FAM135B: variants seen among roughly 807,000 people sequenced by gnomAD.
FAM135B encodes the protein protein FAM135B.
A neutral mutation model predicts 127.7 loss-of-function variants in FAM135B; 43 were observed. The ratio of observed to expected loss-of-function variants is 0.34; its 90% confidence interval spans 0.26 to 0.43. The LOEUF (loss-of-function observed/expected upper bound fraction) is 0.43. Among genes scored for constraint, FAM135B ranks in the 20% least tolerant of loss-of-function variants. The pLI, the probability that FAM135B is intolerant of heterozygous loss-of-function variation, is 1.00. For missense variants in FAM135B, 1,558 were observed against 1,725.6 expected (o/e 0.90, Z 1.72); for synonymous variants, 670 against 665.1 (o/e 1.01, Z -0.11).
At position 138,151,844 on chromosome 8, in the gene FAM135B, A is replaced by T. The variant is rs768154353; in HGVS notation, c.2631T>A (p.Gly877=). ...TGACGCGTGGTATTTTTAAATTAAGACCTTTGGTTTCAACACCTGGAGTGT... is the reference window on the plus strand; with the variant it reads ...TGACGCGTGGTATTTTTAAATTAAGTCCTTTGGTTTCAACACCTGGAGTGT... ...TENTPGVETK[G]LNLKIPRVIA... Residue 877 remains glycine (G), a synonymous_variant, in exon 13 of 20, where the codon GGT becomes GGA. Coordinates refer to ENST00000395297, the MANE Select transcript of FAM135B (RefSeq NM_015912.4). 1.1e-5 allele frequency: 17 copies of T among 1,613,936 alleles called. No individual in the cohort carries two copies. The Admixed American group carries it at 1.2e-4, about 11-fold the overall frequency.
At chr8:138,481,016 G>A (rs74694181) in intron 1 of FAM135B, among the ~76,000 whole-genome samples, 1 of 152,070 alleles carries the variant, frequency 6.6e-6, no homozygotes. Flanking sequence ...TGTTTAGAAG[G>A]GAAAAGAAAA....
At chr8:138,171,014 C>A (rs528411870) in intron 11 of FAM135B, among the ~76,000 whole-genome samples, 2 of 152,190 alleles carry the variant, frequency 1.3e-5, no homozygotes, top group Non-Finnish European at 2.9e-5. Flanking sequence ...GCACTCCATG[C>A]GCTCCCAGGC....
At chr8:138,314,688 C>T (rs1048963815) in intron 2 of FAM135B, among the ~76,000 whole-genome samples, 3 of 5,586 alleles carry the variant, frequency 5.4e-4, no homozygotes, top group Admixed American at 3.0e-3. Context: ...GAGACCCCAT[C>T]CCTACAATAA....
At chr8:138,271,448 T>C (rs1171225467) in intron 3 of FAM135B, among the ~76,000 whole-genome samples, 2 of 152,228 alleles carry the variant, frequency 1.3e-5, no homozygotes, top group East Asian at 1.9e-4. Flanking sequence ...TATTCATTCA[T>C]TGAATATTTA....
intron 7 of FAM135B, among the ~76,000 whole-genome samples, chr8:138,201,579 G>A (rs1216933696): frequency 6.6e-6 from 1 of 152,168 alleles, no homozygotes; most frequent in African/African-American, 2.4e-5. Flanking sequence ...GGGCAGACCT[G>A]CAGAGTCGGT....
At chr8:138,279,981 C>A (rs1447652665) in intron 3 of FAM135B, among the ~76,000 whole-genome samples, 1 of 152,176 alleles carries the variant, frequency 6.6e-6, no homozygotes, top group Non-Finnish European at 1.5e-5. Flanking sequence ...TCTGAAAACT[C>A]ATGCAACCAA....
At chr8:138,310,226 C>T (rs1442314982) in intron 3 of FAM135B, among the ~76,000 whole-genome samples, 1 of 152,116 alleles carries the variant, frequency 6.6e-6, no homozygotes, top group Non-Finnish European at 1.5e-5. Flanking sequence ...TTTACTAATG[C>T]AAACTCCTAA....
chr8:138,265,577 G>T, intron 4 of FAM135B, 126 bp downstream of exon 4: 5 of 1,034,900 alleles, frequency 4.8e-6, no homozygotes, highest in Non-Finnish European at 7.1e-6. Context: ...TGCACTAAAA[G>T]CACTAATCTC....
chr8:138,311,001 A>G (rs1289466522), intron 2 of FAM135B, 81 bp from the exon 3 acceptor site: 1 of 1,156,338 alleles, frequency 8.6e-7, no homozygotes, highest in Non-Finnish European at 1.2e-6. Context: ...ATTAATCCTG[A>G]AAGCCATAGG....
intron 7 of FAM135B, among the ~76,000 whole-genome samples, chr8:138,218,105 A>T (rs1435291883): frequency 6.6e-6 from 1 of 152,220 alleles, no homozygotes; most frequent in Admixed American, 6.5e-5. Context: ...GATAACTAAG[A>T]TGACTTCCAA....
chr8:138,286,323 T>C (rs1824682982), intron 3 of FAM135B, among the ~76,000 whole-genome samples: 1 of 152,208 alleles, frequency 6.6e-6, no homozygotes, highest in Admixed American at 6.5e-5. Context: ...TGGGTCAGGT[T>C]AGTGGAGGAA....
At chr8:138,380,348 C>A (rs562382523) in intron 1 of FAM135B, among the ~76,000 whole-genome samples, 12 of 152,232 alleles carry the variant, frequency 7.9e-5, no homozygotes, top group Non-Finnish European at 1.8e-4. Context: ...AGGTGCCTGC[C>A]ACCACGCCTG....
At position 138,391,532 on chromosome 8, in the gene FAM135B, C is replaced by T. The variant is rs974918107; in HGVS notation, c.-19-23530G>A. ...TTTTCTGGCCTTGACCTAAGCTCTT[C>T]AACCTGCAAGCACCTACTTCTCCCT... On this transcript the variant is annotated intron_variant, in intron 1 of 19. Coordinates refer to ENST00000395297, the MANE Select transcript of FAM135B (RefSeq NM_015912.4). 6.6e-5 allele frequency among the ~76,000 whole-genome samples: 10 copies of T among 152,130 alleles called. No homozygotes were observed. In the East Asian group the frequency reaches 9.7e-4, roughly 15 times the overall value.
chr8:138,187,994 T>A (rs1815742786), intron 9 of FAM135B, among the ~76,000 whole-genome samples: 1 of 152,166 alleles, frequency 6.6e-6, no homozygotes, highest in Non-Finnish European at 1.5e-5. Context: ...TCTGGGTTAG[T>A]GAATGCCTTC....
chr8:138,223,806 T>A (rs1819205895), intron 7 of FAM135B, among the ~76,000 whole-genome samples: 1 of 152,154 alleles, frequency 6.6e-6, no homozygotes, highest in South Asian at 2.1e-4. Context: ...CAATGATGGA[T>A]TAGATAAACA....
intron 2 of FAM135B, among the ~76,000 whole-genome samples, chr8:138,331,005 G>A (rs893261249): frequency 1.3e-5 from 2 of 152,142 alleles, no homozygotes; most frequent in South Asian, 4.2e-4. Context: ...ACCGCACCCA[G>A]CTAATTTTGT....
At chr8:138,195,226 C>A (rs769696375) in intron 9 of FAM135B, 32 bp downstream of exon 9, 1 of 1,604,756 alleles carries the variant, frequency 6.2e-7, no homozygotes, top group Admixed American at 1.7e-5. Context: ...TACTGCCATT[C>A]ATTCAGACCC....
At chr8:138,389,819 G>A (rs114667559) in intron 1 of FAM135B, among the ~76,000 whole-genome samples, 1,573 of 152,246 alleles carry the variant, frequency 0.01, 28 homozygotes, top group African/African-American at 0.036. Flanking sequence ...TTTGTGTTAT[G>A]TGTGTTTTAC....
chr8:138,472,808 G>A (rs536643980), intron 1 of FAM135B, among the ~76,000 whole-genome samples: 9 of 152,272 alleles, frequency 5.9e-5, no homozygotes, highest in East Asian at 3.9e-4. Flanking sequence ...AAGACTGAGC[G>A]CTAGTAGATG....
Sources: allele counts gnomAD v4.1 joint callset (sites outside exome capture counted in the v4.1 genomes callset), GRCh38; gene constraint gnomAD v4.1.1; transcripts MANE v1.5; gene names NCBI Gene and HGNC (gene_info 2026-07-23, HGNC 2026-07-21).